The following EZH2 variants were observed in gnomAD, a reference collection of about 807,000 sequenced individuals.
The protein encoded by EZH2 is histone-lysine N-methyltransferase EZH2.
A neutral mutation model predicts 98.4 loss-of-function variants in EZH2; 18 were observed. That is an observed-to-expected ratio of 0.18 (90% confidence interval 0.13 to 0.27). The LOEUF (loss-of-function observed/expected upper bound fraction) is 0.27, where lower values mean the gene tolerates loss of function less well. Among genes scored for constraint, EZH2 ranks in the 10% least tolerant of loss-of-function variants. The pLI is 1.00. For synonymous variants in EZH2, 338 were observed against 312.3 expected (o/e 1.08, Z -0.87); for missense variants, 470 against 935.1 (o/e 0.50, Z 6.49).
intron 1 of EZH2, among the ~76,000 whole-genome samples, chr7:148,861,893 T>C (rs1277278717): frequency 2.6e-5 from 4 of 152,164 alleles, no homozygotes. Context: ...CGGATTCTCG[T>C]AACTGTTTCT....
intron 16 of EZH2, among the ~76,000 whole-genome samples, chr7:148,811,097 C>G (rs1018616312): frequency 6.6e-6 from 1 of 152,098 alleles, no homozygotes; most frequent in Non-Finnish European, 1.5e-5. Flanking sequence ...TGTCCCTAGA[C>G]GAGAAAAACT....
At chr7:148,820,854 T>C (rs1226501915) in intron 8 of EZH2, among the ~76,000 whole-genome samples, 1 of 152,100 alleles carries the variant, frequency 6.6e-6, no homozygotes, top group Non-Finnish European at 1.5e-5. Context: ...AAACGAACAT[T>C]AGAGAACACA....
chr7:148,869,616 G>T (rs1393941788), intron 1 of EZH2, among the ~76,000 whole-genome samples: 1 of 152,138 alleles, frequency 6.6e-6, no homozygotes, highest in East Asian at 1.9e-4. Context: ...GGGATTACTG[G>T]CGTGAGCCAA....
intron 1 of EZH2, among the ~76,000 whole-genome samples, chr7:148,871,403 T>TAAAAAAAAA (rs71529646): frequency 5.6e-5 from 5 of 88,748 alleles, no homozygotes; most frequent in South Asian, 3.9e-4. Context: ...GACGAATAAT[T>TAAAAAAAAA]AAAAAAAAAA....
At chr7:148,862,726 G>A (rs1360070514) in intron 1 of EZH2, among the ~76,000 whole-genome samples, 1 of 152,126 alleles carries the variant, frequency 6.6e-6, no homozygotes, top group African/African-American at 2.4e-5. Flanking sequence ...TTGTTGCACA[G>A]AATGTTACAA....
At chr7:148,816,271 C>T (rs1457499719) in intron 12 of EZH2, among the ~76,000 whole-genome samples, 1 of 152,102 alleles carries the variant, frequency 6.6e-6, no homozygotes, top group Non-Finnish European at 1.5e-5. Context: ...TTAGGAGTAT[C>T]GGAATGCAAT....
intron 1 of EZH2, among the ~76,000 whole-genome samples, chr7:148,851,403 G>T (rs990244944): frequency 6.6e-6 from 1 of 151,988 alleles, no homozygotes; most frequent in African/African-American, 2.4e-5. Context: ...CAACAAAAAC[G>T]AAATATACAT....
At chr7:148,850,686 A>G (rs1394723450) in intron 1 of EZH2, among the ~76,000 whole-genome samples, 2 of 152,174 alleles carry the variant, frequency 1.3e-5, no homozygotes, top group African/African-American at 4.8e-5. Context: ...ACTTTTACTC[A>G]TTTGTAAAAT....
intron 1 of EZH2, among the ~76,000 whole-genome samples, chr7:148,863,128 T>C (rs1817948847): frequency 6.7e-6 from 1 of 149,888 alleles, no homozygotes; most frequent in Admixed American, 6.7e-5. Flanking sequence ...ATAGTTTTGA[T>C]CCCATAATCC....
At chr7:148,877,068 T>C (rs925549284) in intron 1 of EZH2, among the ~76,000 whole-genome samples, 6 of 152,162 alleles carry the variant, frequency 3.9e-5, no homozygotes, top group Non-Finnish European at 4.4e-5. Context: ...CAATTATTTT[T>C]TAATAAAACA....
At chr7:148,841,286 C>T (rs1165289249) in intron 3 of EZH2, among the ~76,000 whole-genome samples, 1 of 151,764 alleles carries the variant, frequency 6.6e-6, no homozygotes, top group Non-Finnish European at 1.5e-5. Flanking sequence ...AATGTTACAT[C>T]TATTTCAGCC....
At chr7:148,810,151 C>G in intron 17 of EZH2, 182 bp downstream of exon 17, 1 of 484,402 alleles carries the variant, frequency 2.1e-6, no homozygotes, top group Non-Finnish European at 3.8e-6. Context: ...CACATCTAGT[C>G]TATCTGCTCC....
intron 2 of EZH2, 72 bp downstream of exon 2, chr7:148,847,110 C>A (rs531198790): frequency 6.6e-7 from 1 of 1,508,436 alleles, no homozygotes; most frequent in Non-Finnish European, 8.9e-7. Flanking sequence ...TAAATAAAAA[C>A]TTATTGAACT....
chr7:148,815,174 C>T (rs906524237), intron 13 of EZH2, 135 bp from the exon 14 acceptor site: 2 of 1,162,614 alleles, frequency 1.7e-6, no homozygotes, highest in Non-Finnish European at 1.2e-6. Flanking sequence ...CATAACATTA[C>T]ACATATTCCG....
chr7:148,826,638 A>G lies in EZH2; in HGVS notation c.729-6T>C, dbSNP rs1322255793. The G allele has an allele frequency of 9.6e-6, 14 of 1,452,028 alleles. 1 individual carries two copies. The highest frequency in any genetic ancestry group is 1.3e-5 in the Non-Finnish European group (14 of 1,093,900). The allele number at this position is 1,452,028 out of a possible 1,614,324, so 89.9% of individuals were successfully genotyped here. On this transcript the variant is annotated splice_polypyrimidine_tract_variant and splice_region_variant and intron_variant, in intron 7 of 19. Transcript: ENST00000320356. ...GTTCGGTGAGTTCTTTATATCTGAC[A>G]TTAACCAAGAAAAATTTAAGTAAAC... is the stretch of plus-strand genomic sequence containing the variant.
chr7:148,840,063 A>G (rs972405280), intron 3 of EZH2, among the ~76,000 whole-genome samples: 1 of 152,198 alleles, frequency 6.6e-6, no homozygotes, highest in Non-Finnish European at 1.5e-5. Flanking sequence ...TGTGTTGAGA[A>G]TATAGGTAAA....
At chr7:148,830,238 C>G (rs1468780600) in intron 4 of EZH2, among the ~76,000 whole-genome samples, 1 of 152,132 alleles carries the variant, frequency 6.6e-6, no homozygotes, top group Non-Finnish European at 1.5e-5. Context: ...CCAGGCTGGT[C>G]TCGAACTCCT....
intron 1 of EZH2, among the ~76,000 whole-genome samples, chr7:148,858,954 T>C (rs1025436042): frequency 2.8e-4 from 42 of 152,280 alleles, no homozygotes; most frequent in African/African-American, 1.0e-3. Context: ...TCTATACAAT[T>C]CAGGGCCAGT....
intron 12 of EZH2, 93 bp from the exon 13 acceptor site, chr7:148,815,639 T>C: frequency 8.8e-7 from 1 of 1,136,566 alleles, no homozygotes; most frequent in Non-Finnish European, 1.3e-6. Flanking sequence ...GTGCCATGAA[T>C]ACAGGAATGC....
Sources: gnomAD v4.1 joint callset for allele counts (sites outside exome capture counted in the v4.1 genomes callset) on GRCh38, gnomAD v4.1.1 for gene constraint, MANE v1.5 for transcripts, NCBI Gene and HGNC (gene_info 2026-07-23, HGNC 2026-07-21) for gene names.